SEMA3A: variants seen among roughly 807,000 people sequenced by gnomAD.
SEMA3A encodes the protein semaphorin-3A.
SEMA3A carries 29 observed loss-of-function variants against 97.9 expected under a neutral mutation model. That is an observed-to-expected ratio of 0.30 (90% CI 0.22 to 0.40). The LOEUF is 0.40. SEMA3A is among the 10% of genes least tolerant of loss of function. The pLI is 1.00. For synonymous variants in SEMA3A, 321 were observed against 323.7 expected (o/e 0.99, Z 0.09); for missense variants, 763 against 951.3 (o/e 0.80, Z 2.60).
chr7:84,267,094 C>T (rs1210111323), intron 3 of SEMA3A, among the ~76,000 whole-genome samples: 3 of 152,052 alleles, frequency 2.0e-5, no homozygotes, highest in African/African-American at 7.2e-5. Context: ...AATCCCAAAT[C>T]CAAAATTCTC....
At chr7:84,071,460 T>A (rs1264961032) in intron 4 of SEMA3A, among the ~76,000 whole-genome samples, 1 of 152,098 alleles carries the variant, frequency 6.6e-6, no homozygotes, top group Non-Finnish European at 1.5e-5. Context: ...GGCCAGGAGT[T>A]ATGCGAAGTG....
At chr7:84,162,296 T>C (rs145288073) in intron 1 of SEMA3A, among the ~76,000 whole-genome samples, 43 of 152,192 alleles carry the variant, frequency 2.8e-4, no homozygotes, top group African/African-American at 9.9e-4. Flanking sequence ...GCAGAGTTGA[T>C]CCTGTGTGTA....
intron 1 of SEMA3A, among the ~76,000 whole-genome samples, chr7:84,437,547 T>C (rs1048043749): frequency 1.1e-4 from 16 of 151,284 alleles, no homozygotes; most frequent in Non-Finnish European, 1.9e-4. Context: ...CTTCATAACA[T>C]TGACTTTCTA....
Position 84,313,402 on chromosome 7 carries a change from ATAT to A in SEMA3A, c.-168-6113_-168-6111del, listed in dbSNP as rs1562898842. Among the ~76,000 whole-genome samples the A allele has an allele frequency of 1.9e-3, 229 of 122,718 alleles. 2 individuals are homozygous for A. The highest frequency in any genetic ancestry group is 2.8e-3 in the African/African-American group (91 of 32,102). The allele number at this position is 122,718 out of a possible 152,430, so 80.5% of individuals were successfully genotyped here. On this transcript the variant is annotated intron_variant, in intron 2 of 3. Transcript: ENST00000424555. ...TATATATATATATATATATATATAT[ATAT>A]AAACTATACGTGACTCCTGATAAGA...
At chr7:83,999,273 T>C (rs1304473388) in intron 12 of SEMA3A, among the ~76,000 whole-genome samples, 3 of 152,220 alleles carry the variant, frequency 2.0e-5, no homozygotes, top group Middle Eastern at 3.4e-3. Context: ...TCAGTTTAAA[T>C]TGACATCTTT....
At chr7:84,081,594 TAAAAA>T in intron 4 of SEMA3A, among the ~76,000 whole-genome samples, 1 of 113,972 alleles carries the variant, frequency 8.8e-6, no homozygotes, top group African/African-American at 3.3e-5. Context: ...CTCCGTCTCT[TAAAAA>T]AAAAAAAAAA....
At chr7:84,491,637 C>T (rs1056060466) in intron 1 of SEMA3A, among the ~76,000 whole-genome samples, 1 of 152,092 alleles carries the variant, frequency 6.6e-6, no homozygotes, top group Non-Finnish European at 1.5e-5. Context: ...AAAGATTCCC[C>T]ATAGCCAAGT....
intron 12 of SEMA3A, among the ~76,000 whole-genome samples, chr7:83,986,624 G>C (rs1441781898): frequency 6.6e-6 from 1 of 152,084 alleles, no homozygotes; most frequent in Non-Finnish European, 1.5e-5. Context: ...ACTGCTTGTG[G>C]GTTTCTGAGG....
intron 1 of SEMA3A, among the ~76,000 whole-genome samples, chr7:84,151,199 G>T (rs1356098436): frequency 6.6e-6 from 1 of 151,962 alleles, no homozygotes; most frequent in African/African-American, 2.4e-5. Flanking sequence ...TCCTCCAAAG[G>T]AACGCAGCTC....
chr7:84,023,966 C>T (rs913881219), intron 6 of SEMA3A, among the ~76,000 whole-genome samples: 4 of 148,606 alleles, frequency 2.7e-5, no homozygotes, highest in Admixed American at 6.8e-5. Flanking sequence ...GAACGGAGAT[C>T]GCGCCACTGC....
chr7:83,978,125 A>T (rs1278744921), intron 14 of SEMA3A, among the ~76,000 whole-genome samples: 2 of 151,964 alleles, frequency 1.3e-5, no homozygotes, highest in Non-Finnish European at 1.5e-5. Context: ...CTTTTTTAAA[A>T]CAGTTTATTT....
chr7:84,214,112 A>C (rs141328255), intron 3 of SEMA3A, among the ~76,000 whole-genome samples: 4 of 152,256 alleles, frequency 2.6e-5, no homozygotes, highest in African/African-American at 9.6e-5. Context: ...GCCCACAATA[A>C]GCCAGACATT....
At chr7:84,051,032 T>C (rs1438576887) in intron 5 of SEMA3A, among the ~76,000 whole-genome samples, 2 of 151,904 alleles carry the variant, frequency 1.3e-5, no homozygotes, top group East Asian at 1.9e-4. Flanking sequence ...ATATGTGGCA[T>C]TATTTCGGAG....
chr7:84,334,523 C>T (rs1172738571), intron 2 of SEMA3A, among the ~76,000 whole-genome samples: 1 of 151,934 alleles, frequency 6.6e-6, no homozygotes, highest in Non-Finnish European at 1.5e-5. Flanking sequence ...CCCCTTATTT[C>T]CTGCACTCTT....
rs115560297 is a variant in SEMA3A, at chr7:84,247,166, C to T, written c.-82-52498G>A. 5.6e-3 allele frequency among the ~76,000 whole-genome samples: 848 copies of T among 152,114 alleles called. 4 individuals carry two copies. The highest frequency in any genetic ancestry group is 0.018 in the African/African-American group (730 of 41,512). ...AAAAGCAAGCACAGAAAGACTTATC[C>T]GATTTTTGTAATAGCTAATTCTGCA... On this transcript the variant is annotated intron_variant, in intron 3 of 3. Transcript: ENST00000424555.
chr7:84,379,706 G>C (rs73189065), intron 1 of SEMA3A, among the ~76,000 whole-genome samples: 8 of 152,028 alleles, frequency 5.3e-5, no homozygotes, highest in Middle Eastern at 3.4e-3. Context: ...AGAAAAAAAA[G>C]AAAAACAACA....
At chr7:84,377,993 G>C (rs1205584677) in intron 1 of SEMA3A, among the ~76,000 whole-genome samples, 1 of 151,936 alleles carries the variant, frequency 6.6e-6, no homozygotes, top group East Asian at 1.9e-4. Context: ...ATTTATACTT[G>C]TCCCCTCGGG....
At chr7:84,102,518 C>T (rs1007558961) in intron 4 of SEMA3A, among the ~76,000 whole-genome samples, 1 of 149,128 alleles carries the variant, frequency 6.7e-6, no homozygotes, top group African/African-American at 2.5e-5. Flanking sequence ...GACCCATAGA[C>T]CAGGGCTATA....
At chr7:84,078,346 T>A (rs1794025705) in intron 4 of SEMA3A, among the ~76,000 whole-genome samples, 1 of 152,098 alleles carries the variant, frequency 6.6e-6, no homozygotes, top group Non-Finnish European at 1.5e-5. Context: ...ATTTAATGTT[T>A]CAATTACTCC....
Sources: gnomAD v4.1 joint callset for allele counts (sites outside exome capture counted in the v4.1 genomes callset) on GRCh38, gnomAD v4.1.1 for gene constraint, MANE v1.5 for transcripts, NCBI Gene and HGNC (gene_info 2026-07-23, HGNC 2026-07-21) for gene names.